KAZN: variants seen among roughly 807,000 people sequenced by gnomAD.
KAZN encodes kazrin.
In KAZN, 40 loss-of-function variants were observed where a neutral mutation model predicts 87.4. The ratio of observed to expected loss-of-function variants is 0.46; its 90% CI spans 0.36 to 0.60. KAZN has a LOEUF of 0.60. KAZN is among the 20% of genes least tolerant of loss of function. KAZN has a pLI of 0.00. For missense variants in KAZN, 898 were observed against 1,073.9 expected (o/e 0.84, Z 2.29); for synonymous variants, 466 against 458.3 (o/e 1.02, Z -0.22).
In KAZN at chr1:15,115,781, C is replaced by T. The variant is rs1641821875; in HGVS notation, c.*1146C>T. ...TGCCTCGATGTCTTCATCTACGATA[C>T]TTCTGGTTCCCTCCCAGGGACATCG... On this transcript the variant is annotated 3_prime_UTR_variant, in exon 15 of 15. Coordinates refer to ENST00000376030, the MANE Select transcript of KAZN (RefSeq NM_201628.3). This position sits in a 1 kb window ranked among gnomAD's most constrained non-coding sequence, Gnocchi z 4.1. 6.6e-6 allele frequency: 1 copy of T among 152,204 alleles called. No homozygotes were observed. The highest frequency in any genetic ancestry group is 1.5e-5 in the Non-Finnish European group (1 of 68,060). 9.4% of individuals were successfully genotyped at this position (152,204 alleles called of 1,614,324 possible).
intron 2 of KAZN, among the ~76,000 whole-genome samples, chr1:14,466,285 C>T (rs1668122396): frequency 6.6e-6 from 1 of 151,514 alleles, no homozygotes; most frequent in Admixed American, 6.6e-5. Context: ...CAGTATCACA[C>T]AGGACACTTT....
chr1:13,952,334 G>GATGATAATAATA (rs1419105829), intron 1 of KAZN, among the ~76,000 whole-genome samples: 7 of 143,078 alleles, frequency 4.9e-5, no homozygotes, highest in South Asian at 2.4e-4. Flanking sequence ...ATAAAATGGA[G>GATGATAATAATA]ATAATAATAA....
intron 1 of KAZN, among the ~76,000 whole-genome samples, chr1:14,700,773 G>A (rs1401155654): frequency 6.6e-6 from 1 of 152,144 alleles, no homozygotes; most frequent in African/African-American, 2.4e-5. Flanking sequence ...CAGCTGTGCA[G>A]TCTCTATTTT....
chr1:14,945,720 C>G (rs1661686294), intron 1 of KAZN, among the ~76,000 whole-genome samples: 1 of 152,270 alleles, frequency 6.6e-6, no homozygotes. Flanking sequence ...GGAGCAGCTG[C>G]TCAGGCAGGC....
intron 2 of KAZN, among the ~76,000 whole-genome samples, chr1:14,261,125 C>T (rs908816284): frequency 6.6e-6 from 1 of 152,142 alleles, no homozygotes; most frequent in Non-Finnish European, 1.5e-5. Context: ...AGTTCTAAAG[C>T]TGTTTAAAAA....
At chr1:13,999,354 AAAAAAC>A (rs1639677366) in intron 1 of KAZN, among the ~76,000 whole-genome samples, 1 of 2,370 alleles carries the variant, frequency 4.2e-4, no homozygotes, top group Non-Finnish European at 9.6e-4. Flanking sequence ...TCTAAAAAAC[AAAAAAC>A]AAAAAACAAA....
intron 1 of KAZN, among the ~76,000 whole-genome samples, chr1:14,048,568 C>T (rs572924993): frequency 6.6e-6 from 1 of 151,808 alleles, no homozygotes; most frequent in East Asian, 1.9e-4. Flanking sequence ...CATGCCCAGC[C>T]AATTTTCATG....
At chr1:15,023,837 C>T (rs1670921115) in intron 2 of KAZN, among the ~76,000 whole-genome samples, 1 of 149,376 alleles carries the variant, frequency 6.7e-6, no homozygotes, top group Non-Finnish European at 1.5e-5. Context: ...GGGCCCAGGT[C>T]CTGGTGCCAT....
At position 15,034,842 on chromosome 1, in the gene KAZN, A is replaced by G. The variant is rs1264682283; in HGVS notation, c.512A>G (p.Glu171Gly). 7 of 1,613,980 alleles carry G rather than the reference A, an allele frequency of 4.3e-6. No homozygotes were observed. Among genetic ancestry groups the G allele is most frequent in the Non-Finnish European group, 5.1e-6 (6 of 1,179,956 alleles). ...QLYATLESRE[E>G]QLRDFIRNYE... ...TATGCCACACTGGAGAGCCGCGAGGAGCAGCTCCGAGACTTCATCCGCAAC... is the reference window on the plus strand; with the variant it reads ...TATGCCACACTGGAGAGCCGCGAGGGGCAGCTCCGAGACTTCATCCGCAAC... The change falls in exon 3 of 15, where the codon GAG becomes GGG. Residue 171 changes from glutamate (E) to glycine (G), a missense_variant. By Grantham distance (98) the Glu-to-Gly change is moderately conservative. Coordinates refer to ENST00000376030, the MANE Select transcript of KAZN (RefSeq NM_201628.3).
chr1:14,412,592 CTT>C (rs1159847149), intron 2 of KAZN, among the ~76,000 whole-genome samples: 2 of 151,910 alleles, frequency 1.3e-5, no homozygotes, highest in African/African-American at 4.8e-5. Context: ...ATGTATGAAA[CTT>C]TATTAAAATA....
intron 2 of KAZN, among the ~76,000 whole-genome samples, chr1:14,386,673 C>T (rs547394663): frequency 3.3e-5 from 5 of 152,224 alleles, no homozygotes; most frequent in African/African-American, 4.8e-5. Flanking sequence ...GAGTTTCTGC[C>T]GAGATATCCG....
In KAZN at chr1:15,056,415, T is replaced by C. The variant is rs1638283443; in HGVS notation, c.916+135T>C. 1.2e-6 allele frequency: 1 copy of C among 866,818 alleles called. No homozygotes were observed. The highest frequency in any genetic ancestry group is 1.7e-6 in the Non-Finnish European group (1 of 584,194). 53.7% of individuals were successfully genotyped at this position (866,818 alleles called of 1,614,324 possible). On this transcript the variant is annotated intron_variant, in intron 5 of 14. Transcript: ENST00000376030. This position sits in a 1 kb window ranked among gnomAD's most constrained non-coding sequence, Gnocchi z 5.4. ...GCGTGGGACAGAGACCTTGGGCTCA[T>C]GTAACTGAAAAATCTAAGAGATGGA...
chr1:14,416,055 G>T (rs929493571), intron 2 of KAZN, among the ~76,000 whole-genome samples: 2 of 152,134 alleles, frequency 1.3e-5, no homozygotes, highest in African/African-American at 4.8e-5. Flanking sequence ...TGAAGAGTTT[G>T]CAGAAAAAAG....
intron 7 of KAZN, among the ~76,000 whole-genome samples, chr1:15,064,739 A>G: frequency 6.6e-6 from 1 of 152,008 alleles, no homozygotes; most frequent in East Asian, 1.9e-4. Context: ...ACTCCTCCAC[A>G]TTTTCCGGAC....
intron 1 of KAZN, among the ~76,000 whole-genome samples, chr1:14,670,153 C>A (rs1259748859): frequency 6.9e-6 from 1 of 145,142 alleles, no homozygotes; most frequent in Non-Finnish European, 1.5e-5. Flanking sequence ...TCCTTCCCTT[C>A]TTCCATCCTG....
intron 2 of KAZN, among the ~76,000 whole-genome samples, chr1:14,517,370 A>G (rs1671351683): frequency 6.6e-6 from 1 of 152,116 alleles, no homozygotes; most frequent in Admixed American, 6.6e-5. Context: ...ATCATGAGAG[A>G]GAGCAGGGAA....
At chr1:13,985,356 C>A (rs1638960730) in intron 1 of KAZN, among the ~76,000 whole-genome samples, 1 of 151,660 alleles carries the variant, frequency 6.6e-6, no homozygotes, top group South Asian at 2.1e-4. Flanking sequence ...CACATATACA[C>A]CATGGAATAC....
At chr1:14,015,873 G>A (rs1363116803) in intron 1 of KAZN, among the ~76,000 whole-genome samples, 1 of 151,916 alleles carries the variant, frequency 6.6e-6, no homozygotes, top group Non-Finnish European at 1.5e-5. Context: ...GCTGCTAAGA[G>A]GTGCAATGAA....
chr1:14,514,565 TTC>T (rs1168315321), intron 2 of KAZN, among the ~76,000 whole-genome samples: 21 of 125,466 alleles, frequency 1.7e-4, no homozygotes, highest in African/African-American at 4.8e-4. Context: ...AATATATATT[TTC>T]TATATATTTT....
Sources: gnomAD v4.1 joint callset for allele counts (sites outside exome capture counted in the v4.1 genomes callset) on GRCh38, gnomAD v4.1.1 for gene constraint, Gnocchi (gnomAD v3.1) non-coding constraint, MANE v1.5 for transcripts, NCBI Gene and HGNC (gene_info 2026-07-23, HGNC 2026-07-21) for gene names.